Variants in BZW1 observed in about 807,000 individuals in gnomAD.
BZW1 encodes the protein basic leucine zipper and W2 domains 1.
A neutral mutation model predicts 54.1 loss-of-function variants in BZW1; 3 were observed. That is an observed-to-expected ratio of 0.06 (90% CI 0.03 to 0.14). BZW1 has a LOEUF of 0.14. Ranked by LOEUF, BZW1 falls within the 10% of genes least tolerant of loss-of-function variation. BZW1 has a pLI of 1.00. For synonymous variants in BZW1, 152 were observed against 162.7 expected (o/e 0.93, Z 0.50); for missense variants, 206 against 491.7 (o/e 0.42, Z 5.50).
At chr2:200,813,180 T>C (rs375435976) in intron 1 of BZW1, 28 bp from the exon 2 acceptor site, 1 of 1,583,872 alleles carries the variant, frequency 6.3e-7, no homozygotes, top group Non-Finnish European at 8.7e-7. Flanking sequence ...ATGGCACTGA[T>C]ATTAAGGCTT....
chr2:200,822,012 T>G (rs2038540749), intron 11 of BZW1, 135 bp from the exon 12 acceptor site: 1 of 757,714 alleles, frequency 1.3e-6, no homozygotes, highest in Non-Finnish European at 2.2e-6. Flanking sequence ...GAGGTTGCAG[T>G]GAGCCAAGAG....
In BZW1 at chr2:200,824,975, C is replaced by T. The variant is rs2038654162; in HGVS notation, c.*2797C>T. On this transcript the variant is annotated 3_prime_UTR_variant, in exon 12 of 12. Coordinates refer to ENST00000409600, the MANE Select transcript of BZW1 (RefSeq NM_001207067.2). ...GCTTGAGCCACCGCGCCCAGCTAGA[C>T]TTTTTTCTAATAGAGTCCCCCATAA... 6.6e-6 allele frequency: 1 copy of T among 151,722 alleles called. No homozygotes were observed. Among genetic ancestry groups the T allele is most frequent in the African/African-American group, 2.4e-5 (1 of 41,276 alleles). The allele number at this position is 151,722 out of a possible 1,614,324, so 9.4% of individuals were successfully genotyped here.
At chr2:200,817,291 A>G (rs780456062) in intron 6 of BZW1, 50 bp downstream of exon 6, 1 of 1,592,004 alleles carries the variant, frequency 6.3e-7, no homozygotes, top group Admixed American at 1.7e-5. Flanking sequence ...TGGGGTGGAT[A>G]AGAGCATGGT....
chr2:200,812,752 C>A (rs547676800), intron 1 of BZW1: 1 of 722,974 alleles, frequency 1.4e-6, no homozygotes, highest in Non-Finnish European at 2.5e-6. Flanking sequence ...TGGTGCTGCC[C>A]GTAACCAGGC....
rs372579707 is a variant in BZW1 at position 200,822,136 on chromosome 2, C to G, written c.1229-11C>G. On this transcript the variant is annotated splice_polypyrimidine_tract_variant and intron_variant, in intron 11 of 11. Transcript: ENST00000409600. Reference sequence around the variant, plus strand: ...TACATAATGTTTGACTGTTTTTTTCCCCTTTTCTAGAATCTGAATCTGAAG... The same window carrying G: ...TACATAATGTTTGACTGTTTTTTTCGCCTTTTCTAGAATCTGAATCTGAAG... 227 of 1,602,982 alleles carry G rather than the reference C, an allele frequency of 1.4e-4. No homozygotes were observed. Among genetic ancestry groups the G allele is most frequent in the Non-Finnish European group, 1.7e-4 (205 of 1,173,778 alleles).
In BZW1 at chr2:200,823,901, G is replaced by A. The variant is rs573261427; in HGVS notation, c.*1723G>A. On this transcript the variant is annotated 3_prime_UTR_variant, in exon 12 of 12. Transcript: ENST00000409600. Reference sequence around the variant, plus strand: ...TTAATACCTAGTGGTATTGTATGTTGTGTGTTCAGATGTCTTTACTGTATC... The same window carrying A: ...TTAATACCTAGTGGTATTGTATGTTATGTGTTCAGATGTCTTTACTGTATC... 145 of 150,828 alleles carry A rather than the reference G, an allele frequency of 9.6e-4. 1 individual carries two copies. Among genetic ancestry groups the A allele is most frequent in the African/African-American group, 3.3e-3 (136 of 40,978 alleles). 9.3% of individuals were successfully genotyped at this position (150,828 alleles called of 1,614,324 possible).
At chr2:200,813,103 T>A in intron 1 of BZW1, 105 bp from the exon 2 acceptor site, 2 of 886,552 alleles carry the variant, frequency 2.3e-6, no homozygotes, top group Non-Finnish European at 3.6e-6. Context: ...ATCCTGAGAG[T>A]GGGTGTTCCA....
intron 2 of BZW1, 32 bp from the exon 3 acceptor site, chr2:200,815,309 A>G (rs1455317631): frequency 1.3e-6 from 2 of 1,560,928 alleles, no homozygotes; most frequent in Admixed American, 4.1e-5. Context: ...AATCTTTTAA[A>G]ACTAAATGTT....
At chr2:200,814,929 T>C (rs573292802) in intron 2 of BZW1, among the ~76,000 whole-genome samples, 11 of 152,366 alleles carry the variant, frequency 7.2e-5, no homozygotes, top group African/African-American at 2.6e-4. Context: ...CCTTCATAAA[T>C]GCCAAAGGAT....
intron 11 of BZW1, among the ~76,000 whole-genome samples, chr2:200,821,737 C>T (rs1031503397): frequency 6.6e-6 from 1 of 152,014 alleles, no homozygotes; most frequent in Non-Finnish European, 1.5e-5. Context: ...ATATCTGCCT[C>T]ATGTAAATAG....
Position 200,818,842 on chromosome 2 carries a change from A to G in BZW1, c.907A>G (p.Thr303Ala). The G allele has an allele frequency of 1.2e-6, 2 of 1,604,120 alleles. No homozygotes were observed. The highest frequency in any genetic ancestry group is 8.5e-7 in the Non-Finnish European group (1 of 1,177,338). The change falls in exon 9 of 12, where the codon ACT becomes GCT. Residue 303 changes from threonine to alanine, a missense_variant. Coordinates refer to ENST00000409600, the MANE Select transcript of BZW1 (RefSeq NM_001207067.2). ...AATAGTCTGGTCAAGTGTAATGAGC[A>G]CTGTGGAATGGAACAAAAAAGAGGA... The part of the protein sequence containing the change: ...IGIVWSSVMS[T>A]VEWNKKEELV...
intron 2 of BZW1, among the ~76,000 whole-genome samples, chr2:200,814,609 T>C (rs1016094147): frequency 6.6e-6 from 1 of 152,206 alleles, no homozygotes; most frequent in Non-Finnish European, 1.5e-5. Flanking sequence ...ACAACAACTT[T>C]ATGGGATAGG....
chr2:200,818,705 T>C, intron 8 of BZW1, 50 bp from the exon 9 acceptor site: 2 of 1,549,222 alleles, frequency 1.3e-6, no homozygotes. Context: ...GTGTGAAGTA[T>C]GTACATAATC....
At chr2:200,816,126 A>G (rs1575051672) in intron 4 of BZW1, among the ~76,000 whole-genome samples, 199 bp from the exon 5 acceptor site, 1 of 152,238 alleles carries the variant, frequency 6.6e-6, no homozygotes, top group East Asian at 1.9e-4. Context: ...ATCTCATTGG[A>G]AAGTTTCATA....
intron 11 of BZW1, 44 bp downstream of exon 11, chr2:200,821,349 T>C (rs1250029372): frequency 6.2e-7 from 1 of 1,607,172 alleles, no homozygotes; most frequent in Non-Finnish European, 8.5e-7. Flanking sequence ...AAGCTAATTT[T>C]AATGTGGCCA....
rs991382880 is a variant in BZW1, at chr2:200,826,998, G to C, written c.*4820G>C. 6.6e-6 allele frequency: 1 copy of C among 151,590 alleles called. No individual in the cohort carries two copies. The highest frequency in any genetic ancestry group is 1.5e-5 in the Non-Finnish European group (1 of 67,940). 9.4% of individuals were successfully genotyped at this position (151,590 alleles called of 1,614,324 possible). ...ATGCTTAAAAGTTAGAGATAAACCT[G>C]TTGGAAATAAGTGATTCATTTATAG... On this transcript the variant is annotated 3_prime_UTR_variant, in exon 12 of 12. Coordinates refer to ENST00000409600, the MANE Select transcript of BZW1 (RefSeq NM_001207067.2).
At chr2:200,813,355 A>T in intron 2 of BZW1, 74 bp downstream of exon 2, 1 of 1,319,874 alleles carries the variant, frequency 7.6e-7, no homozygotes, top group East Asian at 2.3e-5. Flanking sequence ...TCTGACAGGT[A>T]CTTGCATATT....
At chr2:200,813,498 G>A (rs1296650872) in intron 2 of BZW1, 4 of 390,760 alleles carry the variant, frequency 1.0e-5, no homozygotes, top group South Asian at 5.9e-5. Context: ...TCTCTAAGCC[G>A]GTTAGTGAAT....
At chr2:200,812,530 C>T in intron 1 of BZW1, 3 of 1,392,532 alleles carry the variant, frequency 2.2e-6, no homozygotes, top group Non-Finnish European at 2.8e-6. Flanking sequence ...CTACGGCGCC[C>T]CGCTGTGGCC....
Sources: gnomAD v4.1 joint callset for allele counts (sites outside exome capture counted in the v4.1 genomes callset) on GRCh38, gnomAD v4.1.1 for gene constraint, MANE v1.5 for transcripts, NCBI Gene and HGNC (gene_info 2026-07-23, HGNC 2026-07-21) for gene names.